BNC2: variants seen among roughly 807,000 people sequenced by gnomAD.
BNC2 encodes zinc finger protein basonuclin-2.
Under a neutral mutation model 76.3 loss-of-function variants are expected in BNC2, and 20 were observed. That is an observed-to-expected ratio of 0.26 (90% CI 0.18 to 0.38). The LOEUF (loss-of-function observed/expected upper bound fraction) is 0.38. Ranked by LOEUF, BNC2 falls within the 10% of genes least tolerant of loss-of-function variation. The pLI, the probability that BNC2 is intolerant of heterozygous loss-of-function variation, is 1.00. For missense variants in BNC2, 1,382 were observed against 1,399.8 expected (o/e 0.99, Z 0.20); for synonymous variants, 582 against 514.8 (o/e 1.13, Z -1.77).
At chr9:16,693,467 C>T (rs7868527) in intron 3 of BNC2, among the ~76,000 whole-genome samples, 5,861 of 152,066 alleles carry the variant, frequency 0.039, 402 homozygotes, top group African/African-American at 0.14. Flanking sequence ...ATTTGCATGC[C>T]CCACCTGAGA....
intron 3 of BNC2, among the ~76,000 whole-genome samples, chr9:16,663,466 T>G (rs938989046): frequency 2.0e-5 from 3 of 152,120 alleles, no homozygotes; most frequent in African/African-American, 7.2e-5. Context: ...GAGTTCTTTC[T>G]AATTTACCAA....
chr9:16,425,678 A>G (rs1331446068), intron 6 of BNC2, among the ~76,000 whole-genome samples: 1 of 152,212 alleles, frequency 6.6e-6, no homozygotes, highest in Non-Finnish European at 1.5e-5. Context: ...TGTTTACTCC[A>G]CTTTGCAACT....
chr9:16,549,450 TAC>T (rs1818592487), intron 5 of BNC2, among the ~76,000 whole-genome samples: 1 of 152,244 alleles, frequency 6.6e-6, no homozygotes, highest in South Asian at 2.1e-4. Flanking sequence ...CCTTGAGGGC[TAC>T]AAGACAATTG....
intron 3 of BNC2, among the ~76,000 whole-genome samples, chr9:16,651,373 C>G (rs747951136): frequency 6.6e-6 from 1 of 152,210 alleles, no homozygotes; most frequent in African/African-American, 2.4e-5. Flanking sequence ...ACCCACTTTA[C>G]ATTTCCCTTT....
intron 5 of BNC2, among the ~76,000 whole-genome samples, chr9:16,521,789 G>A (rs940240125): frequency 3.9e-5 from 6 of 152,102 alleles, no homozygotes; most frequent in Non-Finnish European, 8.8e-5. Context: ...ACCTTAAATG[G>A]AGCAGAGGGG....
intron 3 of BNC2, among the ~76,000 whole-genome samples, chr9:16,689,663 G>A (rs781460061): frequency 5.9e-5 from 9 of 151,992 alleles, no homozygotes; most frequent in Non-Finnish European, 1.3e-4. Context: ...AAAAAAGAGG[G>A]AGAGAGATAA....
At chr9:16,584,193 G>A (rs1819706727) in intron 3 of BNC2, among the ~76,000 whole-genome samples, 1 of 152,110 alleles carries the variant, frequency 6.6e-6, no homozygotes, top group African/African-American at 2.4e-5. Context: ...TGATTCTGGG[G>A]TGGAGGGGTG....
At chr9:16,790,474 A>C (rs1456847876) in intron 1 of BNC2, among the ~76,000 whole-genome samples, 2 of 152,224 alleles carry the variant, frequency 1.3e-5, no homozygotes, top group African/African-American at 4.8e-5. Context: ...TTTATAAAAA[A>C]CTGTGTCAAT....
chr9:16,485,036 T>G (rs1207074995), intron 5 of BNC2, among the ~76,000 whole-genome samples: 1 of 152,046 alleles, frequency 6.6e-6, no homozygotes, highest in Non-Finnish European at 1.5e-5. Flanking sequence ...GGTTTCATAA[T>G]GCCCTTAACA....
intron 5 of BNC2, among the ~76,000 whole-genome samples, chr9:16,486,147 T>C (rs1015882656): frequency 6.6e-6 from 1 of 152,166 alleles, no homozygotes; most frequent in African/African-American, 2.4e-5. Flanking sequence ...AGGAATGTTG[T>C]TTTAATGCAA....
chr9:16,426,184 A>G (rs756527114), intron 6 of BNC2, among the ~76,000 whole-genome samples: 11 of 152,204 alleles, frequency 7.2e-5, no homozygotes, highest in Non-Finnish European at 1.3e-4. Context: ...CTGAGCTTTG[A>G]GTTTTATATT....
chr9:16,841,704 T>C (rs1213563438), intron 1 of BNC2, among the ~76,000 whole-genome samples: 1 of 152,014 alleles, frequency 6.6e-6, no homozygotes, highest in Non-Finnish European at 1.5e-5. Flanking sequence ...AAAGATAAAA[T>C]ACTTCAAAAT....
rs538833199 is a variant in BNC2 at position 16,684,208 on chromosome 9, G to C, written c.330+43589C>G. ...CATGACAGACCATTCCAGGTGATGTGTTTGAAGAACATCACTCGTCCTACC... is the reference window on the plus strand; with the variant it reads ...CATGACAGACCATTCCAGGTGATGTCTTTGAAGAACATCACTCGTCCTACC... On this transcript the variant is annotated intron_variant, in intron 3 of 6. Transcript: ENST00000380672. 2.6e-5 allele frequency among the ~76,000 whole-genome samples: 4 copies of C among 152,246 alleles called. No homozygotes were observed. The South Asian group carries it at 6.2e-4, about 24-fold the overall frequency.
intron 1 of BNC2, among the ~76,000 whole-genome samples, chr9:16,744,144 T>C (rs945953350): frequency 2.0e-5 from 3 of 152,080 alleles, no homozygotes; most frequent in African/African-American, 7.2e-5. Flanking sequence ...TTTTTTTTTG[T>C]ATTTTTAGTA....
At chr9:16,545,973 T>C (rs762199651) in intron 5 of BNC2, among the ~76,000 whole-genome samples, 3 of 152,264 alleles carry the variant, frequency 2.0e-5, no homozygotes, top group Admixed American at 6.5e-5. Flanking sequence ...TGCTGTGTTA[T>C]GCCACTAGTA....
chr9:16,866,663 TAAA>T (rs55953726), intron 1 of BNC2, among the ~76,000 whole-genome samples: 60 of 96,808 alleles, frequency 6.2e-4, no homozygotes, highest in South Asian at 1.6e-3. Context: ...CTGTCACTTT[TAAA>T]AAAAAAAAAA....
chr9:16,608,838 A>G (rs1820456794), intron 3 of BNC2, among the ~76,000 whole-genome samples: 1 of 152,230 alleles, frequency 6.6e-6, no homozygotes, highest in Admixed American at 6.5e-5. Flanking sequence ...AATAGGCAAA[A>G]GTCAAACTCC....
chr9:16,865,319 G>C (rs1819518411), intron 1 of BNC2, among the ~76,000 whole-genome samples: 1 of 151,956 alleles, frequency 6.6e-6, no homozygotes, highest in Non-Finnish European at 1.5e-5. Flanking sequence ...CCTTCCTTAT[G>C]GAAGAATTCC....
At chr9:16,785,319 C>A (rs1296821242) in intron 1 of BNC2, among the ~76,000 whole-genome samples, 1 of 152,158 alleles carries the variant, frequency 6.6e-6, no homozygotes, top group Non-Finnish European at 1.5e-5. Context: ...ACAGATATCA[C>A]CACTGCAAAA....
Sources: gnomAD v4.1 joint callset for allele counts (sites outside exome capture counted in the v4.1 genomes callset) on GRCh38, gnomAD v4.1.1 for gene constraint, MANE v1.5 for transcripts, NCBI Gene and HGNC (gene_info 2026-07-23, HGNC 2026-07-21) for gene names.